TWSG1: variants seen among roughly 807,000 people sequenced by gnomAD.
TWSG1 encodes the protein twisted gastrulation BMP signaling modulator 1.
TWSG1 carries 15 observed loss-of-function variants against 23.0 expected under a neutral mutation model. The observed-to-expected ratio is 0.65, with a 90% CI of 0.44 to 1.00. The LOEUF (loss-of-function observed/expected upper bound fraction) is 1.00, where lower values mean the gene tolerates loss of function less well. Ranked by LOEUF, TWSG1 falls within the 50% of genes least tolerant of loss-of-function variation. The probability of loss-of-function intolerance (pLI) is 0.00; values close to 1 mark genes in which losing one functional copy is unlikely to be tolerated. For synonymous variants in TWSG1, 86 were observed against 92.8 expected, an observed-to-expected ratio of 0.93 and a Z score of 0.42; for missense variants, 242 against 278.7, an observed-to-expected ratio of 0.87 and a Z score of 0.94.
At position 9,392,010 on chromosome 18, in the gene TWSG1, C is replaced by T. The variant is rs539735361; in HGVS notation, c.224-4270C>T. Among the ~76,000 whole-genome samples, 16 of 152,274 alleles carry T rather than the reference C, an allele frequency of 1.1e-4. No individual in the cohort carries two copies. The South Asian group carries it at 2.1e-3, about 20-fold the overall frequency. The stretch of plus-strand genomic sequence containing the variant: ...TGCTGTCATCCAGGCTTTGTTGTTC[C>T]ATTTCTAGGGTACAGGCAGGGTAGG... On this transcript the variant is annotated intron_variant, in intron 3 of 4. Coordinates refer to ENST00000262120, the MANE Select transcript of TWSG1 (RefSeq NM_020648.6).
chr18:9,363,252 A>C (rs1598826449), intron 3 of TWSG1, among the ~76,000 whole-genome samples: 2 of 152,110 alleles, frequency 1.3e-5, no homozygotes, highest in African/African-American at 4.8e-5. Flanking sequence ...AGTTGATTTT[A>C]ATCTTTGCTG....
At chr18:9,337,073 A>C (rs2040426524) in intron 1 of TWSG1, 120 bp from the exon 2 acceptor site, 1 of 907,698 alleles carries the variant, frequency 1.1e-6, no homozygotes, top group South Asian at 1.6e-5. Context: ...GACTCTAAAA[A>C]AGAAAGAAAA....
At chr18:9,362,866 A>T (rs896158897) in intron 3 of TWSG1, among the ~76,000 whole-genome samples, 1 of 152,198 alleles carries the variant, frequency 6.6e-6, no homozygotes, top group African/African-American at 2.4e-5. Flanking sequence ...TTAAACTTTG[A>T]GTAAGTTCAT....
At chr18:9,384,526 A>G (rs967467628) in intron 3 of TWSG1, among the ~76,000 whole-genome samples, 5 of 152,214 alleles carry the variant, frequency 3.3e-5, no homozygotes, top group Non-Finnish European at 5.9e-5. Context: ...TGCCAGTAAA[A>G]TGAAATAAAG....
intron 3 of TWSG1, among the ~76,000 whole-genome samples, chr18:9,380,585 A>G (rs1406934815): frequency 3.3e-5 from 5 of 152,188 alleles, no homozygotes; most frequent in African/African-American, 4.8e-5. Flanking sequence ...CTGATTTTTC[A>G]TGATCTCCAA....
At chr18:9,340,266 G>A (rs2040440363) in intron 2 of TWSG1, among the ~76,000 whole-genome samples, 1 of 151,006 alleles carries the variant, frequency 6.6e-6, no homozygotes, top group Non-Finnish European at 1.5e-5. Context: ...TACTCGGGAG[G>A]CTGAGGCAGG....
chr18:9,394,622 C>T (rs1433325640), intron 3 of TWSG1, among the ~76,000 whole-genome samples: 4 of 151,998 alleles, frequency 2.6e-5, no homozygotes, highest in African/African-American at 9.7e-5. Context: ...TGTTAATTAC[C>T]CAGATCTGAT....
intron 2 of TWSG1, among the ~76,000 whole-genome samples, chr18:9,359,696 G>A (rs2145607132): frequency 6.6e-6 from 1 of 152,330 alleles, no homozygotes; most frequent in Non-Finnish European, 1.5e-5. Context: ...TTGAGGTGGT[G>A]TGGGTAGTCA....
intron 3 of TWSG1, among the ~76,000 whole-genome samples, chr18:9,393,643 G>C (rs1041438379): frequency 1.2e-4 from 18 of 152,094 alleles, no homozygotes; most frequent in African/African-American, 4.3e-4. Flanking sequence ...CTGCAACCTT[G>C]AATTCCAGGG....
At chr18:9,396,931 C>CAT in intron 4 of TWSG1, 1 of 215,778 alleles carries the variant, frequency 4.6e-6, no homozygotes, top group Non-Finnish European at 9.1e-6. Context: ...TGGTGGCGGG[C>CAT]GCCTGTAGTC....
At chr18:9,335,155 G>T (rs1259382358) in intron 1 of TWSG1, among the ~76,000 whole-genome samples, 2 of 152,148 alleles carry the variant, frequency 1.3e-5, no homozygotes, top group Admixed American at 1.3e-4. Flanking sequence ...CCATCTCTGG[G>T]CCGGCCCGCG....
intron 1 of TWSG1, among the ~76,000 whole-genome samples, chr18:9,336,930 C>T (rs1252618724): frequency 2.0e-5 from 3 of 151,980 alleles, no homozygotes; most frequent in Non-Finnish European, 4.4e-5. Flanking sequence ...TTTTTGAAGG[C>T]CAGGCATGGT....
chr18:9,335,752 A>C (rs2040420081), intron 1 of TWSG1, among the ~76,000 whole-genome samples: 1 of 152,164 alleles, frequency 6.6e-6, no homozygotes, highest in South Asian at 2.1e-4. Context: ...TCTCTTTCAA[A>C]ATTGACTCAT....
At chr18:9,371,297 CTTTTT>C (rs758891489) in intron 3 of TWSG1, among the ~76,000 whole-genome samples, 1 of 138,436 alleles carries the variant, frequency 7.2e-6, no homozygotes. Context: ...TTAGAAATCA[CTTTTT>C]TTTTTTTTTT....
chr18:9,342,476 T>C (rs2040450225), intron 2 of TWSG1, among the ~76,000 whole-genome samples: 1 of 152,264 alleles, frequency 6.6e-6, no homozygotes, highest in Non-Finnish European at 1.5e-5. Context: ...TATATAAATA[T>C]TGTTGACTGT....
intron 2 of TWSG1, among the ~76,000 whole-genome samples, chr18:9,358,316 G>A (rs1168977654): frequency 6.6e-6 from 1 of 152,074 alleles, no homozygotes; most frequent in Non-Finnish European, 1.5e-5. Flanking sequence ...TGATCCCCTA[G>A]TTCAAATTCC....
At chr18:9,346,150 A>G (rs754219280) in intron 2 of TWSG1, among the ~76,000 whole-genome samples, 5 of 150,354 alleles carry the variant, frequency 3.3e-5, no homozygotes, top group African/African-American at 4.9e-5. Context: ...ATCCCTCCCT[A>G]CCTCCCCCCA....
intron 3 of TWSG1, among the ~76,000 whole-genome samples, chr18:9,383,488 G>A (rs935140973): frequency 2.0e-5 from 3 of 152,090 alleles, no homozygotes; most frequent in South Asian, 2.1e-4. Context: ...CACTGCACCC[G>A]GCCTTGAATT....
intron 2 of TWSG1, among the ~76,000 whole-genome samples, chr18:9,339,278 A>G (rs9635818): frequency 0.33 from 50,661 of 151,748 alleles, 8,935 homozygotes; most frequent in African/African-American, 0.45. Context: ...AAAGCTTTTG[A>G]TTAATATGGG....
Sources: allele counts gnomAD v4.1 joint callset (sites outside exome capture counted in the v4.1 genomes callset), GRCh38; gene constraint gnomAD v4.1.1; transcripts MANE v1.5; gene names NCBI Gene and HGNC (gene_info 2026-07-23, HGNC 2026-07-21).